Variants in HLTF observed in about 807,000 individuals in gnomAD.
HLTF encodes the protein DNA-dependent ATPase/E3 ubiquitin-protein ligase HLTF.
In HLTF, 127 loss-of-function variants were observed where a neutral mutation model predicts 129.4. The ratio of observed to expected loss-of-function variants is 0.98; its 90% CI spans 0.85 to 1.14. HLTF has a LOEUF of 1.14. Among genes scored for constraint, HLTF ranks in the 50% most tolerant of loss-of-function variants. The pLI is 0.00. For missense variants in HLTF, 1,139 were observed against 1,187.1 expected (o/e 0.96, Z 0.60); for synonymous variants, 332 against 388.8 (o/e 0.85, Z 1.72).
At chr3:149,072,496 G>A (rs1400049132) in intron 5 of HLTF, among the ~76,000 whole-genome samples, 1 of 152,146 alleles carries the variant, frequency 6.6e-6, no homozygotes, top group Non-Finnish European at 1.5e-5. Context: ...TAACTTAATT[G>A]ACTATTTAAA....
At chr3:149,073,743 T>C (rs1394343450) in intron 4 of HLTF, among the ~76,000 whole-genome samples, 1 of 152,152 alleles carries the variant, frequency 6.6e-6, no homozygotes, top group Non-Finnish European at 1.5e-5. Context: ...ACAAACTGCA[T>C]TAAAAGCCTT....
At chr3:149,069,680 T>C (rs1480182103) in intron 7 of HLTF, among the ~76,000 whole-genome samples, 2 of 152,190 alleles carry the variant, frequency 1.3e-5, no homozygotes, top group Non-Finnish European at 2.9e-5. Flanking sequence ...CTAGTCACTT[T>C]TTTCATGCGA....
chr3:149,072,113 A>C (rs1315364887), intron 5 of HLTF, among the ~76,000 whole-genome samples: 1 of 152,224 alleles, frequency 6.6e-6, no homozygotes, highest in Non-Finnish European at 1.5e-5. Flanking sequence ...CAAACGCCAA[A>C]AAGGCACATA....
Position 149,071,251 on chromosome 3 carries a change from C to T in HLTF, c.894+1G>A. 1.3e-6 allele frequency: 2 copies of T among 1,525,818 alleles called. No homozygotes were observed. The highest frequency in any genetic ancestry group is 1.8e-6 in the Non-Finnish European group (2 of 1,132,136). The allele number at this position is 1,525,818 out of a possible 1,614,324, so 94.5% of individuals were successfully genotyped here. A position where few individuals can be genotyped will look rare whatever the true frequency, so the allele number is the denominator to read the frequency against. On this transcript the variant is annotated splice_donor_variant, in intron 7 of 24. Coordinates refer to ENST00000310053, the MANE Select transcript of HLTF (RefSeq NM_003071.4). LOFTEE classifies it high-confidence loss of function. ...TATTAACTAAAGAAAAAAATAATTA[C>T]CAAACCCATATCATCAGCTAAAATT...
chr3:149,085,253 G>C lies in HLTF; in HGVS notation c.21-364C>G, dbSNP rs554179300. Among the ~76,000 whole-genome samples, 6 of 152,344 alleles carry C rather than the reference G, an allele frequency of 3.9e-5. No individual in the cohort carries two copies. In the East Asian group the frequency reaches 7.7e-4, roughly 20 times the overall value. On this transcript the variant is annotated intron_variant, in intron 1 of 24. Coordinates refer to ENST00000310053, the MANE Select transcript of HLTF (RefSeq NM_003071.4). ...CGCCTGGAATCCCAGCACTTTGGGA[G>C]GCAGAGGCAGGTGGATCACCTGAGG...
chr3:149,068,500 C>T (rs1718588998), intron 7 of HLTF, among the ~76,000 whole-genome samples, 165 bp from the exon 8 acceptor site: 1 of 152,128 alleles, frequency 6.6e-6, no homozygotes, highest in African/African-American at 2.4e-5. Flanking sequence ...TTAGAAAATG[C>T]TTTCCCCCAC....
At chr3:149,041,142 A>C (rs1716099596) in intron 20 of HLTF, among the ~76,000 whole-genome samples, 2 of 152,162 alleles carry the variant, frequency 1.3e-5, no homozygotes, top group Admixed American at 6.5e-5. Flanking sequence ...TATATTTTAG[A>C]TATATTGGGT....
chr3:149,080,556 C>T (rs1719783506), intron 2 of HLTF, among the ~76,000 whole-genome samples: 1 of 152,036 alleles, frequency 6.6e-6, no homozygotes, highest in Admixed American at 6.6e-5. Flanking sequence ...ACAGGATGAT[C>T]TTTTTTAAAC....
chr3:149,032,691 G>A (rs567171207), intron 24 of HLTF, among the ~76,000 whole-genome samples: 23 of 152,252 alleles, frequency 1.5e-4, no homozygotes, highest in Non-Finnish European at 2.5e-4. Flanking sequence ...GGCCGGGCAC[G>A]GTGGCTCACA....
At chr3:149,055,999 T>C (rs1434907171) in intron 13 of HLTF, among the ~76,000 whole-genome samples, 1 of 152,214 alleles carries the variant, frequency 6.6e-6, no homozygotes, top group Non-Finnish European at 1.5e-5. Flanking sequence ...AGGATGCACA[T>C]AGTGAGGATC....
chr3:149,063,039 T>G, intron 10 of HLTF: 2 of 456,426 alleles, frequency 4.4e-6, no homozygotes, highest in South Asian at 3.1e-5. Flanking sequence ...AATATAAGGG[T>G]CATGGTCATC....
In HLTF at chr3:149,032,973, A is replaced by C. The variant is rs992221713; in HGVS notation, c.2878-601T>G. On this transcript the variant is annotated intron_variant, in intron 24 of 24. Transcript: ENST00000310053. ...GCGACGTCTCAAAAAAAAAAAAAAAAAAAACAAAAAACTATTCCCAGAAAT... is the reference window on the plus strand; with the variant it reads ...GCGACGTCTCAAAAAAAAAAAAAAACAAAACAAAAAACTATTCCCAGAAAT... 4.2e-4 allele frequency among the ~76,000 whole-genome samples: 61 copies of C among 143,984 alleles called. 2 individuals carry two copies. Among genetic ancestry groups the C allele is most frequent in the Admixed American group, 2.2e-3 (32 of 14,438 alleles). 94.5% of individuals were successfully genotyped at this position (143,984 alleles called of 152,430 possible).
In HLTF at chr3:149,063,430, C is replaced by T. The variant is rs1718114938; in HGVS notation, c.1160+1G>A. On this transcript the variant is annotated splice_donor_variant, in intron 10 of 24. Coordinates refer to ENST00000310053, the MANE Select transcript of HLTF (RefSeq NM_003071.4). LOFTEE classifies it high-confidence loss of function. ...GACATAATCAAACCATAATAGTTTA[C>T]CTTTTGGGGCGGGAGCTAGACAATT... 6.5e-7 allele frequency: 1 copy of T among 1,544,450 alleles called. No homozygotes were observed. Among genetic ancestry groups the T allele is most frequent in the Non-Finnish European group, 9.0e-7 (1 of 1,116,772 alleles).
chr3:149,060,508 G>C (rs1717838067), intron 12 of HLTF, 135 bp downstream of exon 12: 4 of 664,482 alleles, frequency 6.0e-6, no homozygotes, highest in Non-Finnish European at 1.0e-5. Context: ...TTAGCTCCAT[G>C]AAGAGTTCAA....
At position 149,086,513 on chromosome 3, in the gene HLTF, C is replaced by T. The variant is rs930264989; in HGVS notation, c.-177G>A. ...CGCGAGTCCAGTCAGACGTCGACGC[C>T]GTCTCCTTCTGCAACAATCTGGGAG... On this transcript the variant is annotated 5_prime_UTR_variant, in exon 1 of 25. Coordinates refer to ENST00000310053, the MANE Select transcript of HLTF (RefSeq NM_003071.4). 4.6e-6 allele frequency: 3 copies of T among 649,448 alleles called. No homozygotes were observed. Among genetic ancestry groups the T allele is most frequent in the Admixed American group, 5.7e-5 (2 of 35,390 alleles). The allele number at this position is 649,448 out of a possible 1,614,324, so 40.2% of individuals were successfully genotyped here. A position where few individuals can be genotyped will look rare whatever the true frequency, so the allele number is the denominator to read the frequency against.
chr3:149,069,591 T>C (rs777612627), intron 7 of HLTF, among the ~76,000 whole-genome samples: 3 of 152,192 alleles, frequency 2.0e-5, no homozygotes, highest in African/African-American at 4.8e-5. Context: ...GGAAACTACA[T>C]ATTAACTACT....
intron 22 of HLTF, 60 bp from the exon 23 acceptor site, chr3:149,039,289 G>A (rs1027504660): frequency 1.7e-6 from 2 of 1,165,220 alleles, no homozygotes; most frequent in Non-Finnish European, 2.3e-6. Context: ...ATAAAACAAA[G>A]TTAAGTAACT....
At chr3:149,045,713 G>A (rs1716493094) in intron 18 of HLTF, among the ~76,000 whole-genome samples, 1 of 152,012 alleles carries the variant, frequency 6.6e-6, no homozygotes, top group Non-Finnish European at 1.5e-5. Context: ...GATCTTGCTT[G>A]GACCAGAATT....
intron 18 of HLTF, among the ~76,000 whole-genome samples, chr3:149,044,582 C>T (rs1383324058): frequency 6.6e-6 from 1 of 152,082 alleles, no homozygotes; most frequent in Non-Finnish European, 1.5e-5. Flanking sequence ...GAACTCGACT[C>T]TCCTATCCAA....
Sources: allele counts gnomAD v4.1 joint callset (sites outside exome capture counted in the v4.1 genomes callset), GRCh38; gene constraint gnomAD v4.1.1; transcripts MANE v1.5; gene names NCBI Gene and HGNC (gene_info 2026-07-23, HGNC 2026-07-21).